The following NTN1 variants were observed in gnomAD, a reference collection of about 807,000 sequenced individuals.
NTN1 encodes netrin 1, also known as netrin-1.
In NTN1, 11 loss-of-function variants were observed where a neutral mutation model predicts 54.2. The ratio of observed to expected loss-of-function variants is 0.20; its 90% CI spans 0.13 to 0.34. The LOEUF (loss-of-function observed/expected upper bound fraction) is 0.34. Among genes scored for constraint, NTN1 ranks in the 10% least tolerant of loss-of-function variants. The probability of loss-of-function intolerance (pLI) is 1.00; values close to 1 mark genes in which losing one functional copy is unlikely to be tolerated. For synonymous variants in NTN1, 371 were observed against 382.0 expected, an observed-to-expected ratio of 0.97 and a Z score of 0.33; for missense variants, 740 against 893.1, an observed-to-expected ratio of 0.83 and a Z score of 2.18.
At chr17:9,044,512 A>G (rs888898988) in intron 2 of NTN1, among the ~76,000 whole-genome samples, 23 of 152,128 alleles carry the variant, frequency 1.5e-4, no homozygotes, top group African/African-American at 4.6e-4. Flanking sequence ...CAGGCATTAT[A>G]GACATGAGCC....
intron 5 of NTN1, among the ~76,000 whole-genome samples, chr17:9,204,258 C>A (rs149258668): frequency 7.8e-4 from 112 of 144,244 alleles, no homozygotes; most frequent in African/African-American, 2.9e-3. Flanking sequence ...CTCTCTCTCT[C>A]TCTCTCCTTC....
At chr17:9,066,247 C>G (rs899172371) in intron 2 of NTN1, among the ~76,000 whole-genome samples, 14 of 149,082 alleles carry the variant, frequency 9.4e-5, no homozygotes, top group Middle Eastern at 6.9e-3. Context: ...CATAGCAGGA[C>G]TTCGTCTCCA....
rs1905346366 is a variant in NTN1 at position 9,221,310 on chromosome 17, G to A, written c.1486+68G>A. 1 of 1,280,764 alleles carries A rather than the reference G, an allele frequency of 7.8e-7. No individual in the cohort carries two copies. The highest frequency in any genetic ancestry group is 1.1e-6 in the Non-Finnish European group (1 of 877,114). The allele number at this position is 1,280,764 out of a possible 1,614,324, so 79.3% of individuals were successfully genotyped here. On this transcript the variant is annotated intron_variant, in intron 6 of 6. Coordinates refer to ENST00000173229, the MANE Select transcript of NTN1 (RefSeq NM_004822.3). This position sits in a 1 kb window ranked among gnomAD's most constrained non-coding sequence, Gnocchi z 4.5. ...ACGTGACCAGCGAGGTGCTGGGGCT[G>A]GGGTGCAGCTGGCCCCCGATGGGTG...
chr17:9,227,564 ATC>A (rs1264655653), intron 6 of NTN1, among the ~76,000 whole-genome samples: 1 of 46,432 alleles, frequency 2.2e-5, no homozygotes, highest in Non-Finnish European at 4.3e-5. Context: ...CACACACACT[ATC>A]ACACACACAC....
At chr17:9,013,391 T>C in the NTN1 span, among the ~76,000 whole-genome samples, 1 of 151,888 alleles carries the variant, frequency 6.6e-6, no homozygotes, top group Non-Finnish European at 1.5e-5. Flanking sequence ...TTATTTTGTA[T>C]TTTTAGTAGA....
In NTN1 at chr17:9,182,953, C is replaced by T. The variant is rs749223121; in HGVS notation, c.1395C>T (p.Ser465=). ...PVAPPTTAAS[S]VEEPEDCDSY... is the part of the protein sequence containing the mutation. The stretch of plus-strand genomic sequence containing the variant: ...CGCCGCCGACGACTGCAGCCAGCAG[C>T]GTGGAGGAGCCTGAAGGTAAACGGC... The change falls in exon 5 of 7, where the codon AGC becomes AGT. Residue 465 remains serine (S), a synonymous_variant. Coordinates refer to ENST00000173229, the MANE Select transcript of NTN1 (RefSeq NM_004822.3). 7 of 1,606,776 alleles carry T rather than the reference C, an allele frequency of 4.4e-6. No individual in the cohort carries two copies. Among genetic ancestry groups the T allele is most frequent in the African/African-American group, 4.0e-5 (3 of 74,394 alleles).
At chr17:9,184,875 G>A (rs546756284) in intron 5 of NTN1, among the ~76,000 whole-genome samples, 211 of 152,364 alleles carry the variant, frequency 1.4e-3, no homozygotes, top group African/African-American at 4.8e-3. Context: ...CCAGACAAAA[G>A]ATTCCGGAGC....
intron 3 of NTN1, among the ~76,000 whole-genome samples, chr17:9,177,992 C>T (rs571952716): frequency 3.9e-5 from 6 of 152,284 alleles, no homozygotes; most frequent in African/African-American, 1.2e-4. Context: ...GTCAGGAGTT[C>T]GAGACCAGCC....
chr17:9,128,779 C>T (rs1337424949), intron 2 of NTN1, among the ~76,000 whole-genome samples: 4 of 152,170 alleles, frequency 2.6e-5, no homozygotes, highest in Non-Finnish European at 5.9e-5. Flanking sequence ...GCCTGGCCAG[C>T]GTTCACCCAA....
At chr17:9,148,642 T>C (rs2092319954) in intron 2 of NTN1, among the ~76,000 whole-genome samples, 1 of 152,036 alleles carries the variant, frequency 6.6e-6, no homozygotes, top group South Asian at 2.1e-4. Flanking sequence ...GAGAGTGAAT[T>C]AGGAAACTGA....
chr17:9,130,122 C>G (rs1317014758), intron 2 of NTN1, among the ~76,000 whole-genome samples: 1 of 152,122 alleles, frequency 6.6e-6, no homozygotes, highest in Non-Finnish European at 1.5e-5. Context: ...TCAGGGTAGT[C>G]AGTGGCTGTC....
chr17:9,096,973 T>C (rs751424102), intron 2 of NTN1, among the ~76,000 whole-genome samples: 2 of 152,172 alleles, frequency 1.3e-5, no homozygotes, highest in African/African-American at 2.4e-5. Flanking sequence ...GGAGCTTACT[T>C]ATCTGTTTTA....
At chr17:9,133,734 C>T (rs1287533525) in intron 2 of NTN1, among the ~76,000 whole-genome samples, 2 of 147,916 alleles carry the variant, frequency 1.4e-5, no homozygotes, top group Non-Finnish European at 3.0e-5. Flanking sequence ...ATTACAGGTG[C>T]GCACCACCAT....
chr17:9,117,978 A>G (rs1597494115), intron 2 of NTN1, among the ~76,000 whole-genome samples: 1 of 152,034 alleles, frequency 6.6e-6, no homozygotes, highest in African/African-American at 2.4e-5. Context: ...GCTGCAAGCA[A>G]TTTCTAGAAA....
chr17:9,177,374 C>G (rs1434246229), intron 3 of NTN1: 1 of 152,216 alleles, frequency 6.6e-6, no homozygotes, highest in Non-Finnish European at 1.5e-5. Flanking sequence ...TCTGGGTCGG[C>G]CGCTGCCAAG....
chr17:9,223,130 AG>A (rs1302884300), intron 6 of NTN1, among the ~76,000 whole-genome samples: 1 of 152,228 alleles, frequency 6.6e-6, no homozygotes, highest in African/African-American at 2.4e-5. Flanking sequence ...TATACATCCC[AG>A]GGCAGTGCAG....
chr17:9,161,692 C>G (rs2092357406), intron 2 of NTN1, among the ~76,000 whole-genome samples: 1 of 152,110 alleles, frequency 6.6e-6, no homozygotes. Context: ...GCAAGAGAAT[C>G]GCTTGAACCC....
At chr17:9,224,001 G>A (rs1426972411) in intron 6 of NTN1, among the ~76,000 whole-genome samples, 1 of 152,150 alleles carries the variant, frequency 6.6e-6, no homozygotes, top group Non-Finnish European at 1.5e-5. Context: ...GCTACACTGT[G>A]GAGAGGCAGC....
At chr17:9,190,042 A>G (rs564852056) in intron 5 of NTN1, among the ~76,000 whole-genome samples, 16 of 152,254 alleles carry the variant, frequency 1.1e-4, no homozygotes, top group Non-Finnish European at 2.4e-4. Flanking sequence ...AGAACTAATA[A>G]GAGAATTCTA....
Sources: gnomAD v4.1 joint callset for allele counts (sites outside exome capture counted in the v4.1 genomes callset) on GRCh38, gnomAD v4.1.1 for gene constraint, Gnocchi (gnomAD v3.1) non-coding constraint, MANE v1.5 for transcripts, NCBI Gene and HGNC (gene_info 2026-07-23, HGNC 2026-07-21) for gene names.